HDAC4: variants seen among roughly 807,000 people sequenced by gnomAD.
The protein encoded by HDAC4 is histone deacetylase 4.
Under a neutral mutation model 135.1 loss-of-function variants are expected in HDAC4, and 16 were observed. The ratio of observed to expected loss-of-function variants is 0.12; its 90% CI spans 0.08 to 0.18. The LOEUF (loss-of-function observed/expected upper bound fraction) is 0.18, where lower values mean the gene tolerates loss of function less well. Among genes scored for constraint, HDAC4 ranks in the 10% least tolerant of loss-of-function variants. The pLI is 1.00. For synonymous variants in HDAC4, 685 were observed against 653.4 expected (o/e 1.05, Z -0.74); for missense variants, 1,143 against 1,511.8 (o/e 0.76, Z 4.05).
chr2:239,109,066 C>T (rs3791411), intron 14 of HDAC4, among the ~76,000 whole-genome samples: 19,340 of 152,278 alleles, frequency 0.13, 1,483 homozygotes, highest in East Asian at 0.29. Context: ...GGTGGCCCTC[C>T]GGGGCACAGC....
chr2:239,122,588 C>T (rs530368333), intron 12 of HDAC4, among the ~76,000 whole-genome samples: 4 of 152,300 alleles, frequency 2.6e-5, no homozygotes, highest in East Asian at 1.9e-4. Context: ...GCCACCATCC[C>T]GACCACAGGC....
intron 7 of HDAC4, among the ~76,000 whole-genome samples, chr2:239,148,943 A>T (rs755269889): frequency 4.9e-4 from 74 of 152,274 alleles, no homozygotes; most frequent in Non-Finnish European, 7.5e-4. Flanking sequence ...TTCCGGAAAA[A>T]TTTCTACGAG....
intron 24 of HDAC4, among the ~76,000 whole-genome samples, chr2:239,064,693 G>A (rs889178175): frequency 2.0e-5 from 3 of 152,212 alleles, no homozygotes; most frequent in Non-Finnish European, 2.9e-5. Context: ...AGGGACAGAC[G>A]GCAGAGGTGG....
intron 3 of HDAC4, among the ~76,000 whole-genome samples, chr2:239,231,198 A>AG (rs2047531396): frequency 6.6e-6 from 1 of 152,228 alleles, no homozygotes; most frequent in Non-Finnish European, 1.5e-5. Flanking sequence ...CCCAGGACAC[A>AG]GGTACAGAGG....
Position 239,288,066 on chromosome 2 carries a change from T to TAAAA in HDAC4, c.23-51406_23-51403dup, listed in dbSNP as rs34053864. ...TCTTAAATAAACTATCCCTGTAAGT[T>TAAAA]AAAAAAAAAAAAGACCTTAAAAAAG... On this transcript the variant is annotated intron_variant, in intron 2 of 26. Transcript: ENST00000543185. 1.4e-3 allele frequency among the ~76,000 whole-genome samples: 203 copies of TAAAA among 145,078 alleles called. 1 individual carries two copies. Among genetic ancestry groups the TAAAA allele is most frequent in the African/African-American group, 5.0e-3 (197 of 39,706 alleles).
chr2:239,336,927 C>T (rs1482588561), intron 2 of HDAC4, among the ~76,000 whole-genome samples: 1 of 152,206 alleles, frequency 6.6e-6, no homozygotes. Context: ...TCCTGAGATC[C>T]CTCCTGGTGG....
chr2:239,140,094 T>C (rs559689432), intron 8 of HDAC4, among the ~76,000 whole-genome samples: 5 of 152,368 alleles, frequency 3.3e-5, no homozygotes, highest in East Asian at 3.9e-4. Flanking sequence ...TAAACACTTA[T>C]TAGTGACCTA....
rs1405129581 is a variant in HDAC4 at position 239,331,180 on chromosome 2, C to T, written c.22+21498G>A. On this transcript the variant is annotated intron_variant, in intron 2 of 26. Transcript: ENST00000543185. This position sits in a 1 kb window ranked among gnomAD's most constrained non-coding sequence, Gnocchi z 4.5. The stretch of plus-strand genomic sequence containing the variant: ...CGGAGCAAAGCGCGGCCAGCACTGT[C>T]GTGACATTGATGGCACGAAACTCAA... Among the ~76,000 whole-genome samples, 3 of 152,164 alleles carry T rather than the reference C, an allele frequency of 2.0e-5. No homozygotes were observed. The highest frequency in any genetic ancestry group is 2.1e-4 in the South Asian group (1 of 4,824).
chr2:239,100,012 G>C (rs1400416388), intron 16 of HDAC4, among the ~76,000 whole-genome samples: 2 of 152,252 alleles, frequency 1.3e-5, no homozygotes, highest in East Asian at 3.9e-4. Context: ...CTTCAGGAGG[G>C]CAATGAGGCG....
intron 3 of HDAC4, among the ~76,000 whole-genome samples, chr2:239,230,832 G>A (rs1247851554): frequency 6.6e-6 from 1 of 152,180 alleles, no homozygotes; most frequent in Non-Finnish European, 1.5e-5. Context: ...ACACGTCCTT[G>A]CAGATTTGTA....
intron 5 of HDAC4, among the ~76,000 whole-genome samples, chr2:239,171,567 G>A (rs1283730069): frequency 6.6e-6 from 1 of 152,196 alleles, no homozygotes; most frequent in Non-Finnish European, 1.5e-5. Flanking sequence ...TGGAGAGACT[G>A]GGGCAAAGTC....
At position 239,049,820 on chromosome 2, in the gene HDAC4, G is replaced by GCGTGGGCA. The variant is rs576865171; in HGVS notation, c.*3269_*3276dup. The GCGTGGGCA allele has an allele frequency of 2.0e-5, 3 of 152,482 alleles. No homozygotes were observed. Among genetic ancestry groups the GCGTGGGCA allele is most frequent in the East Asian group, 3.9e-4 (2 of 5,184 alleles). 9.4% of individuals were successfully genotyped at this position (152,482 alleles called of 1,614,324 possible). On this transcript the variant is annotated 3_prime_UTR_variant, in exon 27 of 27. Transcript: ENST00000543185. Reference sequence around the variant, plus strand: ...TCCGGGACAGCCGCCTGCTGGTGGGGCGTGGGCACGTGGGCACGCTGCGGC... The same window carrying GCGTGGGCA: ...TCCGGGACAGCCGCCTGCTGGTGGGGCGTGGGCACGTGGGCACGTGGGCACGCTGCGGC...
chr2:239,384,256 T>C (rs556382177), intron 1 of HDAC4, among the ~76,000 whole-genome samples: 4 of 152,278 alleles, frequency 2.6e-5, no homozygotes, highest in Non-Finnish European at 5.9e-5. Context: ...ATGATCTCCC[T>C]AAAGCCACAT....
At chr2:239,143,003 C>A (rs1014388001) in intron 8 of HDAC4, among the ~76,000 whole-genome samples, 5 of 152,078 alleles carry the variant, frequency 3.3e-5, no homozygotes, top group Admixed American at 6.5e-5. Flanking sequence ...GGCCCTGTCA[C>A]ACATGACTCC....
intron 15 of HDAC4, among the ~76,000 whole-genome samples, chr2:239,104,703 G>A (rs2037965063): frequency 1.3e-5 from 2 of 152,256 alleles, no homozygotes; most frequent in Admixed American, 1.3e-4. Flanking sequence ...AGGTCATGTA[G>A]TGTGGACTTT....
intron 2 of HDAC4, among the ~76,000 whole-genome samples, chr2:239,282,506 A>ACAATGTACACACCACTCT (rs1202413191): frequency 6.8e-6 from 1 of 148,048 alleles, no homozygotes; most frequent in Non-Finnish European, 1.5e-5. Flanking sequence ...ATACCACTCT[A>ACAATGTACACACCACTCT]CAATGTACAC....
intron 19 of HDAC4, among the ~76,000 whole-genome samples, chr2:239,086,358 T>C (rs928108195): frequency 1.1e-4 from 16 of 144,150 alleles, no homozygotes; most frequent in South Asian, 2.2e-4. Flanking sequence ...GTCTCCTCCC[T>C]GTACATGAAG....
At chr2:239,246,324 C>T (rs750442961) in intron 2 of HDAC4, among the ~76,000 whole-genome samples, 25 of 152,314 alleles carry the variant, frequency 1.6e-4, no homozygotes, top group Non-Finnish European at 3.4e-4. Context: ...TCCCCTCCCC[C>T]GTCGGAGAAA....
At chr2:239,171,892 C>T (rs576368065) in intron 5 of HDAC4, among the ~76,000 whole-genome samples, 1 of 152,246 alleles carries the variant, frequency 6.6e-6, no homozygotes, top group East Asian at 1.9e-4. Context: ...GAATTCTATA[C>T]TCAGCAAAAA....
Sources: gnomAD v4.1 joint callset for allele counts (sites outside exome capture counted in the v4.1 genomes callset) on GRCh38, gnomAD v4.1.1 for gene constraint, Gnocchi (gnomAD v3.1) non-coding constraint, MANE v1.5 for transcripts, NCBI Gene and HGNC (gene_info 2026-07-23, HGNC 2026-07-21) for gene names.